The following HP1BP3 variants were observed in gnomAD, a reference collection of about 807,000 sequenced individuals.
HP1BP3 encodes heterochromatin protein 1 binding protein 3, also known as heterochromatin protein 1-binding protein 3.
Under a neutral mutation model 62.5 loss-of-function variants are expected in HP1BP3, and 12 were observed. The ratio of observed to expected loss-of-function variants is 0.19; its 90% CI spans 0.12 to 0.31. HP1BP3 has a LOEUF of 0.31. HP1BP3 is among the 10% of genes least tolerant of loss of function. The pLI is 1.00. For synonymous variants in HP1BP3, 260 were observed against 237.8 expected (o/e 1.09, Z -0.86); for missense variants, 502 against 651.8 (o/e 0.77, Z 2.50).
rs1286675885 is a variant in HP1BP3, at chr1:20,741,939, T to C, written c.*2858A>G. Reference sequence around the variant, plus strand: ...AAAATCAAACATTCTTTTATCTCAATGTAAGTAAGGCGTATGTCTTTGACA... The same window carrying C: ...AAAATCAAACATTCTTTTATCTCAACGTAAGTAAGGCGTATGTCTTTGACA... On this transcript the variant is annotated 3_prime_UTR_variant, in exon 13 of 13. Transcript: ENST00000438032. 1.3e-5 allele frequency among the ~76,000 whole-genome samples: 2 copies of C among 152,258 alleles called. No homozygotes were observed. Among genetic ancestry groups the C allele is most frequent in the African/African-American group, 4.8e-5 (2 of 41,460 alleles).
intron 8 of HP1BP3, among the ~76,000 whole-genome samples, chr1:20,758,010 G>T (rs1202982229): frequency 6.6e-6 from 1 of 152,074 alleles, no homozygotes; most frequent in East Asian, 1.9e-4. Flanking sequence ...ACGGGGCGTG[G>T]TGTCAGGCAA....
chr1:20,786,969 G>T (rs1026841435), intron 1 of HP1BP3, among the ~76,000 whole-genome samples: 9 of 152,034 alleles, frequency 5.9e-5, no homozygotes, highest in African/African-American at 2.2e-4. Flanking sequence ...CCCTGAGGAG[G>T]AGTCCACCAA....
At chr1:20,764,748 GGCCTGTAATCCCA>G (rs2056684204) in intron 8 of HP1BP3, among the ~76,000 whole-genome samples, 1 of 151,348 alleles carries the variant, frequency 6.6e-6, no homozygotes, top group Non-Finnish European at 1.5e-5. Flanking sequence ...CGGTAACCGG[GGCCTGTAATCCCA>G]GCTATTCGGA....
chr1:20,755,349 C>G (rs1474444816), intron 9 of HP1BP3: 1 of 453,910 alleles, frequency 2.2e-6, no homozygotes, highest in South Asian at 1.6e-5. Flanking sequence ...AGGCAGACTA[C>G]TTCACTGAAC....
intron 1 of HP1BP3, among the ~76,000 whole-genome samples, chr1:20,782,058 T>C (rs1395609296): frequency 6.6e-6 from 1 of 152,234 alleles, no homozygotes; most frequent in Non-Finnish European, 1.5e-5. Context: ...TTTATCTTTC[T>C]TAACCCACGA....
At chr1:20,753,647 G>A (rs1301584407) in intron 9 of HP1BP3, among the ~76,000 whole-genome samples, 3 of 152,150 alleles carry the variant, frequency 2.0e-5, no homozygotes, top group Non-Finnish European at 4.4e-5. Flanking sequence ...TGAATTTTAA[G>A]GTAACACAGT....
At chr1:20,778,785 CTT>C (rs869066619) in intron 3 of HP1BP3, among the ~76,000 whole-genome samples, 1 of 142,958 alleles carries the variant, frequency 7.0e-6, no homozygotes. Flanking sequence ...TTCTACTCCT[CTT>C]TTTTTTTTTT....
At chr1:20,783,838 G>A (rs185568482) in intron 1 of HP1BP3, among the ~76,000 whole-genome samples, 4 of 147,388 alleles carry the variant, frequency 2.7e-5, no homozygotes, top group Admixed American at 6.8e-5. Context: ...AAAAGTCAAA[G>A]TCATAGAACT....
At chr1:20,772,924 G>A (rs1436519570) in intron 5 of HP1BP3, among the ~76,000 whole-genome samples, 2 of 152,228 alleles carry the variant, frequency 1.3e-5, no homozygotes, top group Middle Eastern at 3.4e-3. Flanking sequence ...GGAATGTCTA[G>A]GTAATAAAGC....
In HP1BP3 at chr1:20,745,580, C is replaced by T; in HGVS notation, c.1330G>A (p.Glu444Lys). 6.2e-7 allele frequency: 1 copy of T among 1,613,888 alleles called. No individual in the cohort carries two copies. The highest frequency in any genetic ancestry group is 8.5e-7 in the Non-Finnish European group (1 of 1,179,750). The change falls in exon 12 of 13, where the codon GAA (glutamate) becomes AAA (lysine). Residue 444 changes from glutamate to lysine, a missense_variant. Around this residue, in one of 5 missense-constraint regions of HP1BP3, gnomAD observed 194 missense variants for 207.0 expected, o/e 0.94. Coordinates refer to ENST00000438032, the MANE Select transcript of HP1BP3 (RefSeq NM_001372052.1). ...EDEDEDESSE[E>K]DSEDEEPPPK... ...GGCGGCTCTTCATCCTCAGAGTCTT[C>T]TTCTGATGACTCATCTTCATCTTCA...
At chr1:20,766,040 C>A (rs2056766697) in intron 7 of HP1BP3, among the ~76,000 whole-genome samples, 1 of 151,560 alleles carries the variant, frequency 6.6e-6, no homozygotes, top group Non-Finnish European at 1.5e-5. Flanking sequence ...GTCTGTAATC[C>A]CAGCACTTTG....
At chr1:20,772,326 ATTG>A (rs2057097110) in intron 5 of HP1BP3, among the ~76,000 whole-genome samples, 2 of 151,370 alleles carry the variant, frequency 1.3e-5, no homozygotes, top group African/African-American at 4.8e-5. Flanking sequence ...CCAAATTGAT[ATTG>A]TTTTAATTTT....
chr1:20,784,937 C>T (rs987338226), intron 1 of HP1BP3, among the ~76,000 whole-genome samples: 1 of 152,080 alleles, frequency 6.6e-6, no homozygotes, highest in Non-Finnish European at 1.5e-5. Context: ...TAAATTAAAT[C>T]GGTTGTTTAT....
chr1:20,750,325 ACACACACACACAC>A (rs2055640559), intron 9 of HP1BP3: 1 of 2,008 alleles, frequency 5.0e-4, no homozygotes, highest in East Asian at 0.017. Flanking sequence ...TACTAAAAAC[ACACACACACACAC>A]ACACACACAC....
chr1:20,745,454 C>CT, intron 12 of HP1BP3, 89 bp downstream of exon 12: 1 of 1,441,140 alleles, frequency 6.9e-7, no homozygotes, highest in Non-Finnish European at 9.3e-7. Context: ...TTCTGAAATG[C>CT]TTTTTAGCTT....
chr1:20,779,521 T>C lies in HP1BP3; in HGVS notation c.196+291A>G, dbSNP rs79046315. Reference sequence around the variant, plus strand: ...CTGCACTGATCCCCATGACACTTTATGTCCAGAATGCTACTCTCTGGCCAT... The same window carrying C: ...CTGCACTGATCCCCATGACACTTTACGTCCAGAATGCTACTCTCTGGCCAT... On this transcript the variant is annotated intron_variant, in intron 3 of 12. Transcript: ENST00000438032. 9.8e-4 allele frequency among the ~76,000 whole-genome samples: 149 copies of C among 152,292 alleles called. 1 individual carries two copies. The highest frequency in any genetic ancestry group is 3.3e-3 in the African/African-American group (137 of 41,560).
intron 1 of HP1BP3, among the ~76,000 whole-genome samples, chr1:20,783,373 G>A (rs578116867): frequency 3.8e-4 from 58 of 151,982 alleles, no homozygotes; most frequent in South Asian, 8.3e-4. Context: ...ACAAAAGTTA[G>A]CCAGGCGCTG....
chr1:20,785,819 A>G (rs369920524), intron 1 of HP1BP3, among the ~76,000 whole-genome samples: 1 of 152,206 alleles, frequency 6.6e-6, no homozygotes, highest in East Asian at 1.9e-4. Flanking sequence ...ATTACACTAA[A>G]CTTTTGAGAA....
rs1477328777 is a variant in HP1BP3, at chr1:20,741,294, A to G, written c.*3503T>C. 1.3e-5 allele frequency among the ~76,000 whole-genome samples: 2 copies of G among 152,228 alleles called. No homozygotes were observed. The highest frequency in any genetic ancestry group is 3.9e-4 in the East Asian group (2 of 5,194). On this transcript the variant is annotated 3_prime_UTR_variant, in exon 13 of 13. Coordinates refer to ENST00000438032, the MANE Select transcript of HP1BP3 (RefSeq NM_001372052.1). ...AGTTTCGTTCTCATGACGTATCAAG[A>G]TGGCAAGAGGGTCACAGCCTGAGAG...
Sources: allele counts gnomAD v4.1 joint callset (sites outside exome capture counted in the v4.1 genomes callset), GRCh38; gene constraint gnomAD v4.1.1; regional missense constraint gnomAD v4.1.1; transcripts MANE v1.5; gene names NCBI Gene and HGNC (gene_info 2026-07-23, HGNC 2026-07-21).